PCDHGB1: variants seen among roughly 807,000 people sequenced by gnomAD.
The protein encoded by PCDHGB1 is protocadherin gamma-B1.
Under a neutral mutation model 56.6 loss-of-function variants are expected in PCDHGB1, and 34 were observed. The observed-to-expected ratio is 0.60, with a 90% CI of 0.46 to 0.80. The LOEUF is 0.80. Among genes scored for constraint, PCDHGB1 ranks in the 30% least tolerant of loss-of-function variants. PCDHGB1 has a pLI of 0.00. For missense variants in PCDHGB1, 1,278 were observed against 1,204.6 expected (o/e 1.06, Z -0.90); for synonymous variants, 561 against 505.9 (o/e 1.11, Z -1.46).
At chr5:141,364,382 A>G (rs745604333) in intron 1 of PCDHGB1, 3 of 1,582,176 alleles carry the variant, frequency 1.9e-6, no homozygotes, top group South Asian at 2.3e-5. Flanking sequence ...GCTGCCCTTC[A>G]TGCTCCTGGG....
Position 141,489,179 on chromosome 5 carries a change from C to T in PCDHGB1, c.2410-5628C>T. ...AGACTTCAGCTGCTGCATTCCAAGC[C>T]CTGGGTCTACCTTGGAGACAGGACA... On this transcript the variant is annotated intron_variant, in intron 1 of 3. Coordinates refer to ENST00000523390, the MANE Select transcript of PCDHGB1 (RefSeq NM_018922.3). The surrounding 1 kb of genome is among the most constrained non-coding windows in gnomAD (Gnocchi z 4.5). The T allele has an allele frequency of 8.0e-7, 1 of 1,243,186 alleles. No individual in the cohort carries two copies. The highest frequency in any genetic ancestry group is 1.1e-6 in the Non-Finnish European group (1 of 890,032). The allele number at this position is 1,243,186 out of a possible 1,614,324, so 77.0% of individuals were successfully genotyped here. A position where few individuals can be genotyped will look rare whatever the true frequency, so the allele number is the denominator to read the frequency against.
In PCDHGB1 at chr5:141,418,344, T is replaced by C. The variant is rs746519142; in HGVS notation, c.2409+65675T>C. On this transcript the variant is annotated intron_variant, in intron 1 of 3. Transcript: ENST00000523390. ...CTTGAGTCTGCAGAAGATCCTGATA[T>C]TAGTATGAATTCGCTGAGCAAATAC... 4.3e-6 allele frequency: 7 copies of C among 1,613,890 alleles called. No individual in the cohort carries two copies. The highest frequency in any genetic ancestry group is 2.2e-5 in the South Asian group (2 of 91,086).
intron 1 of PCDHGB1, chr5:141,414,233 T>C: frequency 1.2e-6 from 2 of 1,613,474 alleles, no homozygotes; most frequent in African/African-American, 2.7e-5. Context: ...GAGCTGACCA[T>C]CACGTCTCTA....
At chr5:141,388,969 C>A (rs1392290138) in intron 1 of PCDHGB1, 1 of 1,613,882 alleles carries the variant, frequency 6.2e-7, no homozygotes, top group Non-Finnish European at 8.5e-7. Context: ...GAGCTGGGAA[C>A]ACATATTGCT....
At chr5:141,462,387 A>G (rs781355919) in intron 1 of PCDHGB1, among the ~76,000 whole-genome samples, 13 of 152,178 alleles carry the variant, frequency 8.5e-5, no homozygotes, top group Non-Finnish European at 1.3e-4. Context: ...AAATTCGTTA[A>G]CATTTCTTTT....
intron 1 of PCDHGB1, chr5:141,389,614 C>G: frequency 6.2e-7 from 1 of 1,613,062 alleles, no homozygotes; most frequent in South Asian, 1.1e-5. Flanking sequence ...GATATGGTGC[C>G]GCACGCTGCA....
chr5:141,485,279 C>T lies in PCDHGB1; in HGVS notation c.2410-9528C>T. 1 of 1,614,108 alleles carries T rather than the reference C, an allele frequency of 6.2e-7. No individual in the cohort carries two copies. Among genetic ancestry groups the T allele is most frequent in the Non-Finnish European group, 8.5e-7 (1 of 1,179,966 alleles). ...TTGTGGGCAGATCCGCTACCCGGTC[C>T]CAGAGGAGTCACAGGAAGGGACTTT... On this transcript the variant is annotated intron_variant, in intron 1 of 3. Transcript: ENST00000523390. The surrounding 1 kb of genome is among the most constrained non-coding windows in gnomAD (Gnocchi z 5.7).
At chr5:141,380,946 C>A (rs555019785) in intron 1 of PCDHGB1, among the ~76,000 whole-genome samples, 2 of 152,328 alleles carry the variant, frequency 1.3e-5, no homozygotes, top group East Asian at 3.8e-4. Flanking sequence ...CTTGCCTCAA[C>A]AAGAAGTTCA....
intron 1 of PCDHGB1, among the ~76,000 whole-genome samples, chr5:141,479,977 A>G (rs145953890): frequency 0.015 from 2,300 of 152,320 alleles, 30 homozygotes; most frequent in Non-Finnish European, 0.024. Context: ...AGGTTCTACC[A>G]TTTACCAACT....
At position 141,350,950 on chromosome 5, in the gene PCDHGB1, G is replaced by A. The variant is rs781241590; in HGVS notation, c.690G>A (p.Thr230=). The A allele has an allele frequency of 1.9e-6, 3 of 1,613,932 alleles. No homozygotes were observed. The highest frequency in any genetic ancestry group is 1.1e-5 in the South Asian group (1 of 91,086). The change falls in exon 1 of 4, where the codon ACG becomes ACA. Residue 230 remains threonine (T), a synonymous_variant. Transcript: ENST00000523390. ...CCACCCATATCTGGATCCGAGTTAC[G>A]GATGCCAATGATAATGCTCCCGTGT... ...SGTTHIWIRV[T]DANDNAPVFS... is the part of the protein sequence containing the mutation.
In PCDHGB1 at chr5:141,356,293, GT is replaced by G. The variant is rs372920279; in HGVS notation, c.2409+3625del. ...CCAGGAATCTTCTTCCCCGGGTACAGTAATTGCACTTTTCAACGTGCATGAC... is the reference window on the plus strand; with the variant it reads ...CCAGGAATCTTCTTCCCCGGGTACAGAATTGCACTTTTCAACGTGCATGAC... On this transcript the variant is annotated intron_variant, in intron 1 of 3. Transcript: ENST00000523390. The G allele has an allele frequency of 3.3e-4, 508 of 1,555,440 alleles. 4 individuals carry two copies. The East Asian group carries it at 0.011, about 35-fold the overall frequency.
chr5:141,418,738 T>G lies in PCDHGB1; in HGVS notation c.2409+66069T>G, dbSNP rs781221446. 4.3e-6 allele frequency: 7 copies of G among 1,613,964 alleles called. No homozygotes were observed. In the South Asian group the frequency reaches 6.6e-5, roughly 15 times the overall value. On this transcript the variant is annotated intron_variant, in intron 1 of 3. Transcript: ENST00000523390. ...CTGACAAAGCTCAGCACGTGTTCTC[T>G]CTGGATTACACTACAGGAAACATTC...
chr5:141,494,100 G>A (rs559145191), intron 1 of PCDHGB1, among the ~76,000 whole-genome samples: 7 of 152,270 alleles, frequency 4.6e-5, no homozygotes, highest in South Asian at 2.1e-4. Flanking sequence ...ATTTTTCTCC[G>A]TCTCAGACAG....
At chr5:141,384,879 C>T (rs771003299) in intron 1 of PCDHGB1, 1 of 1,613,874 alleles carries the variant, frequency 6.2e-7, no homozygotes, top group Middle Eastern at 1.6e-4. Context: ...CCGTCACACT[C>T]ACCGTGGCTG....
intron 1 of PCDHGB1, chr5:141,357,641 G>C: frequency 6.2e-7 from 1 of 1,611,778 alleles, no homozygotes; most frequent in South Asian, 1.1e-5. Context: ...TCTTATAATA[G>C]ATCATACCAC....
At position 141,354,371 on chromosome 5, in the gene PCDHGB1, C is replaced by CA. The variant is rs569846378; in HGVS notation, c.2409+1703dup. Among the ~76,000 whole-genome samples the CA allele has an allele frequency of 7.9e-4, 120 of 152,302 alleles. 1 individual carries two copies. Among genetic ancestry groups the CA allele is most frequent in the African/African-American group, 2.5e-3 (105 of 41,576 alleles). On this transcript the variant is annotated intron_variant, in intron 1 of 3. Coordinates refer to ENST00000523390, the MANE Select transcript of PCDHGB1 (RefSeq NM_018922.3). ...GAGAACACATTGTGAACAAGATAGTCATATGCATAGCTTGTGGCCAAGAAT... is the reference window on the plus strand; with the variant it reads ...GAGAACACATTGTGAACAAGATAGTCAATATGCATAGCTTGTGGCCAAGAAT...
intron 1 of PCDHGB1, chr5:141,375,151 T>A (rs1771184032): frequency 6.2e-7 from 1 of 1,613,844 alleles, no homozygotes; most frequent in African/African-American, 1.3e-5. Context: ...GCAGAACAAT[T>A]GCTGAAAGTG....
chr5:141,489,636 C>T lies in PCDHGB1; in HGVS notation c.2410-5171C>T. On this transcript the variant is annotated intron_variant, in intron 1 of 3. Coordinates refer to ENST00000523390, the MANE Select transcript of PCDHGB1 (RefSeq NM_018922.3). The surrounding 1 kb of genome is among the most constrained non-coding windows in gnomAD (Gnocchi z 4.5). ...TGGATCTCAATGACAACTCTCCTAG[C>T]TTTGCCACCCCTGAGCGAGAGATGC... 1.2e-6 allele frequency: 2 copies of T among 1,614,190 alleles called. No homozygotes were observed. The highest frequency in any genetic ancestry group is 1.7e-6 in the Non-Finnish European group (2 of 1,180,030).
chr5:141,351,766 C>A lies in PCDHGB1; in HGVS notation c.1506C>A (p.Ser502=), dbSNP rs754880046. ...CGCGGGAGCTGTTGTCCTACGTGTC[C>A]GTGAGCCCGCAGAGCGGGGTGGTGT... The part of the protein sequence containing the change: ...LEPRELLSYV[S]VSPQSGVVFA... Residue 502 remains serine (S), a synonymous_variant, in exon 1 of 4, where the codon TCC becomes TCA. Coordinates refer to ENST00000523390, the MANE Select transcript of PCDHGB1 (RefSeq NM_018922.3). The A allele has an allele frequency of 1.9e-5, 31 of 1,613,408 alleles. No individual in the cohort carries two copies. In the East Asian group the frequency reaches 6.5e-4, roughly 34 times the overall value.
Sources: gnomAD v4.1 joint callset for allele counts (sites outside exome capture counted in the v4.1 genomes callset) on GRCh38, gnomAD v4.1.1 for gene constraint, Gnocchi (gnomAD v3.1) non-coding constraint, MANE v1.5 for transcripts, NCBI Gene and HGNC (gene_info 2026-07-23, HGNC 2026-07-21) for gene names.